RARA: variants seen among roughly 807,000 people sequenced by gnomAD.
The protein encoded by RARA is retinoic acid receptor alpha.
Under a neutral mutation model 42.8 loss-of-function variants are expected in RARA, and 5 were observed. The observed-to-expected ratio is 0.12, with a 90% confidence interval of 0.06 to 0.25. The LOEUF (loss-of-function observed/expected upper bound fraction) is 0.25. Among genes scored for constraint, RARA ranks in the 10% least tolerant of loss-of-function variants. The probability of loss-of-function intolerance (pLI) is 1.00; values close to 1 mark genes in which losing one functional copy is unlikely to be tolerated. For missense variants in RARA, 402 were observed against 628.7 expected, an observed-to-expected ratio of 0.64 and a Z score of 3.86; for synonymous variants, 256 against 259.5, an observed-to-expected ratio of 0.99 and a Z score of 0.13.
At chr17:40,311,567 C>A (rs1038661480) in intron 1 of RARA, among the ~76,000 whole-genome samples, 11 of 152,214 alleles carry the variant, frequency 7.2e-5, no homozygotes, top group African/African-American at 2.7e-4. Flanking sequence ...CCTCATCTAG[C>A]CCCTTTGGCC....
rs1225784265 is a variant in RARA at position 40,345,424 on chromosome 17, C to G, written c.179-2892C>G. ...GGGAGGGGAGCCGCTGGCCGGGGGC[C>G]CGGCTGATTTCCTGCTGATCTCCTC... On this transcript the variant is annotated intron_variant, in intron 2 of 8. Transcript: ENST00000254066. This position sits in a 1 kb window ranked among gnomAD's most constrained non-coding sequence, Gnocchi z 4.8. The G allele has an allele frequency of 6.6e-6, 1 of 152,362 alleles. No individual in the cohort carries two copies. Among genetic ancestry groups the G allele is most frequent in the African/African-American group, 2.4e-5 (1 of 41,470 alleles). 9.4% of individuals were successfully genotyped at this position (152,362 alleles called of 1,614,324 possible).
chr17:40,351,646 G>A lies in RARA; in HGVS notation c.470-264G>A. The stretch of plus-strand genomic sequence containing the variant: ...GACGCGTGGGGGATAGCATGCGGCT[G>A]GCTATGGGGTGGGGTGGGGGGTGTG... On this transcript the variant is annotated intron_variant, in intron 4 of 8. Coordinates refer to ENST00000254066, the MANE Select transcript of RARA (RefSeq NM_000964.4). The surrounding 1 kb of genome is among the most constrained non-coding windows in gnomAD (Gnocchi z 4.1). 2 of 548,092 alleles carry A rather than the reference G, an allele frequency of 3.6e-6. No homozygotes were observed. The highest frequency in any genetic ancestry group is 6.7e-6 in the Non-Finnish European group (2 of 300,026). 34.0% of individuals were successfully genotyped at this position (548,092 alleles called of 1,614,324 possible). A position where few individuals can be genotyped will look rare whatever the true frequency, so the allele number is the denominator to read the frequency against.
chr17:40,313,237 C>A (rs1026312303), intron 1 of RARA, among the ~76,000 whole-genome samples: 1 of 152,098 alleles, frequency 6.6e-6, no homozygotes, highest in African/African-American at 2.4e-5. Flanking sequence ...CCTGCCCTGC[C>A]CAGGACCTGT....
chr17:40,343,271 C>T (rs542738139), intron 2 of RARA: 8 of 160,912 alleles, frequency 5.0e-5, no homozygotes, highest in Non-Finnish European at 6.9e-5. Flanking sequence ...GGGGGAAGGC[C>T]CCCCCGCCAG....
In RARA at chr17:40,355,344, A is replaced by C; in HGVS notation, c.1094A>C (p.Lys365Thr). ...LLEALKVYVRKRRPSRPHMFP... is the reference protein window; with the variant it reads ...LLEALKVYVRTRRPSRPHMFP... ...GAGGCGCTAAAGGTCTACGTGCGGA[A>C]GCGGAGGCCCAGCCGCCCCCACATG... Residue 365 changes from lysine (K) to threonine (T), a missense_variant, in exon 8 of 9, where the codon AAG becomes ACG. Coordinates refer to ENST00000254066, the MANE Select transcript of RARA (RefSeq NM_000964.4). This position sits in a 1 kb window ranked among gnomAD's most constrained non-coding sequence, Gnocchi z 4.1. 1 of 1,613,400 alleles carries C rather than the reference A, an allele frequency of 6.2e-7. No homozygotes were observed. Among genetic ancestry groups the C allele is most frequent in the Non-Finnish European group, 8.5e-7 (1 of 1,179,786 alleles).
chr17:40,349,825 G>A lies in RARA; in HGVS notation c.369G>A (p.Thr123=), dbSNP rs772273628. ...GCATCCAGAAGAACATGGTGTACAC[G>A]TGTCACCGGGACAAGAACTGCATCA... ...RRSIQKNMVY[T]CHRDKNCIIN... is the part of the protein sequence containing the mutation. The change falls in exon 4 of 9, where the codon ACG becomes ACA. Residue 123 remains threonine (T), a synonymous_variant. Coordinates refer to ENST00000254066, the MANE Select transcript of RARA (RefSeq NM_000964.4). 38 of 1,614,110 alleles carry A rather than the reference G, an allele frequency of 2.4e-5. No individual in the cohort carries two copies. Among genetic ancestry groups the A allele is most frequent in the Middle Eastern group, 1.6e-4 (1 of 6,084 alleles).
rs759435121 is a variant in RARA, at chr17:40,356,125, G to C, written c.1288G>C (p.Gly430Arg). 19 of 1,149,322 alleles carry C rather than the reference G, an allele frequency of 1.7e-5. No homozygotes were observed. The highest frequency in any genetic ancestry group is 2.3e-5 in the Non-Finnish European group (18 of 783,010). 71.2% of individuals were successfully genotyped at this position (1,149,322 alleles called of 1,614,324 possible). ...LDTLSGQPGG[G>R]GRDGGGLAPP... ...CACTCTGAGCGGACAGCCGGGGGGT[G>C]GGGGGCGGGACGGGGGTGGCCTGGC... The change falls in exon 9 of 9, where the codon GGG becomes CGG. Residue 430 changes from glycine to arginine, a missense_variant. By Grantham distance (125) the Gly-to-Arg change is moderately radical (BLOSUM62 -2). Around this residue, in one of 5 missense-constraint regions of RARA, gnomAD observed 73 missense variants for 59.8 expected, o/e 1.22. Transcript: ENST00000254066.
rs1310999063 is a variant in RARA, at chr17:40,356,456, C to T, written c.*230C>T. The T allele has an allele frequency of 8.5e-6, 6 of 705,936 alleles. No homozygotes were observed. Among genetic ancestry groups the T allele is most frequent in the Non-Finnish European group, 1.5e-5 (6 of 390,212 alleles). 43.7% of individuals were successfully genotyped at this position (705,936 alleles called of 1,614,324 possible). On this transcript the variant is annotated 3_prime_UTR_variant, in exon 9 of 9. Transcript: ENST00000254066. ...CTGGGCTGACGTCAGAGGCCGAGGCCAGGAACTGAGTGAGGCCCCTGGTCC... is the reference window on the plus strand; with the variant it reads ...CTGGGCTGACGTCAGAGGCCGAGGCTAGGAACTGAGTGAGGCCCCTGGTCC...
intron 1 of RARA, among the ~76,000 whole-genome samples, chr17:40,321,241 G>T (rs1290432880): frequency 6.6e-6 from 1 of 152,018 alleles, no homozygotes; most frequent in Non-Finnish European, 1.5e-5. Flanking sequence ...TGTCAGCGTT[G>T]GTGTGTCTGT....
intron 1 of RARA, 26 bp from the exon 2 acceptor site, chr17:40,330,831 C>G (rs1296226902): frequency 8.1e-6 from 2 of 247,788 alleles, no homozygotes; most frequent in Non-Finnish European, 7.8e-6. Context: ...TCAGTGCCCA[C>G]TCACCTGTCT....
rs112509970 is a variant in RARA at position 40,344,694 on chromosome 17, C to T, written c.179-3622C>T. Reference sequence around the variant, plus strand: ...TGGGGTGGGGTAGTAGACCTAGAGGCCTGGGTTTCCAGTTCCCGTAGTCTG... The same window carrying T: ...TGGGGTGGGGTAGTAGACCTAGAGGTCTGGGTTTCCAGTTCCCGTAGTCTG... On this transcript the variant is annotated intron_variant, in intron 2 of 8. Coordinates refer to ENST00000254066, the MANE Select transcript of RARA (RefSeq NM_000964.4). Among the ~76,000 whole-genome samples the T allele has an allele frequency of 9.6e-3, 1,455 of 152,284 alleles. 10 individuals carry two copies. Among genetic ancestry groups the T allele is most frequent in the Non-Finnish European group, 0.014 (965 of 68,014 alleles).
At chr17:40,321,131 G>A (rs892891022) in intron 1 of RARA, among the ~76,000 whole-genome samples, 3 of 152,090 alleles carry the variant, frequency 2.0e-5, no homozygotes, top group East Asian at 1.9e-4. Context: ...CTGGATCTCC[G>A]TGTGTGTCCA....
chr17:40,342,937 G>C, intron 2 of RARA: 2 of 1,540,526 alleles, frequency 1.3e-6, no homozygotes, highest in East Asian at 4.6e-5. Context: ...ACTACTACTC[G>C]GGGGTGAGAG....
rs77040696 is a variant in RARA at position 40,320,852 on chromosome 17, T to C, written c.-362-10005T>C. On this transcript the variant is annotated intron_variant, in intron 1 of 8. Coordinates refer to ENST00000254066, the MANE Select transcript of RARA (RefSeq NM_000964.4). The surrounding 1 kb of genome is among the most constrained non-coding windows in gnomAD (Gnocchi z 4.1). ...CCTGCGACAAATAAGCGGGGTAATC[T>C]CCGCTTGCTCAGTACCCACACCCAT... 4.9e-3 allele frequency among the ~76,000 whole-genome samples: 739 copies of C among 152,252 alleles called. 27 individuals are homozygous for C. In the East Asian group the frequency reaches 0.1, roughly 21 times the overall value.
At chr17:40,342,911 G>A (rs754624009) in intron 2 of RARA, 3 of 1,573,708 alleles carry the variant, frequency 1.9e-6, no homozygotes, top group Non-Finnish European at 2.6e-6. Context: ...GGGTGGGAGT[G>A]GGCGGTAGGG....
chr17:40,342,795 G>C (rs1380154667), intron 2 of RARA: 1 of 1,612,888 alleles, frequency 6.2e-7, no homozygotes, highest in South Asian at 1.1e-5. Context: ...TTTGCTCCCA[G>C]AGAAGGGGCT....
At chr17:40,339,073 G>A (rs2033945220) in intron 2 of RARA, among the ~76,000 whole-genome samples, 1 of 152,184 alleles carries the variant, frequency 6.6e-6, no homozygotes, top group East Asian at 1.9e-4. Flanking sequence ...CTCCTTGGCT[G>A]GGCGAGTTGC....
rs374315920 is a variant in RARA, at chr17:40,340,183, C to T, written c.179-8133C>T. Among the ~76,000 whole-genome samples, 335 of 152,172 alleles carry T rather than the reference C, an allele frequency of 2.2e-3. 1 individual carries two copies. Among genetic ancestry groups the T allele is most frequent in the African/African-American group, 7.9e-3 (326 of 41,508 alleles). Reference sequence around the variant, plus strand: ...GAATCCACCTTCCTCTGTCCATCAGCACTTCCAGTTTCCTAGGCCAAGCCA... The same window carrying T: ...GAATCCACCTTCCTCTGTCCATCAGTACTTCCAGTTTCCTAGGCCAAGCCA... On this transcript the variant is annotated intron_variant, in intron 2 of 8. Transcript: ENST00000254066.
intron 1 of RARA, among the ~76,000 whole-genome samples, chr17:40,327,936 C>T (rs2033589907): frequency 6.6e-6 from 1 of 152,202 alleles, no homozygotes; most frequent in Non-Finnish European, 1.5e-5. Context: ...CATCAGCCCT[C>T]TCAGCCTAGG....
Sources: gnomAD v4.1 joint callset for allele counts (sites outside exome capture counted in the v4.1 genomes callset) on GRCh38, gnomAD v4.1.1 for gene constraint, gnomAD v4.1.1 regional missense constraint, Gnocchi (gnomAD v3.1) non-coding constraint, MANE v1.5 for transcripts, NCBI Gene and HGNC (gene_info 2026-07-23, HGNC 2026-07-21) for gene names.